The following CACNA1E variants were observed in gnomAD, a reference collection of about 807,000 sequenced individuals.
CACNA1E encodes the protein calcium voltage-gated channel subunit alpha1 E, also known as voltage-dependent R-type calcium channel subunit alpha-1E.
A neutral mutation model predicts 259.2 loss-of-function variants in CACNA1E; 40 were observed. The ratio of observed to expected loss-of-function variants is 0.15; its 90% CI spans 0.12 to 0.20. The LOEUF is 0.20. Ranked by LOEUF, CACNA1E falls within the 10% of genes least tolerant of loss-of-function variation. CACNA1E has a pLI of 1.00. For synonymous variants in CACNA1E, 1,104 were observed against 1,138.5 expected (o/e 0.97, Z 0.61); for missense variants, 1,874 against 3,040.1 (o/e 0.62, Z 9.02).
intron 45 of CACNA1E, among the ~76,000 whole-genome samples, chr1:181,794,200 C>T (rs564452954): frequency 6.6e-6 from 1 of 152,202 alleles, no homozygotes; most frequent in Non-Finnish European, 1.5e-5. Flanking sequence ...CATCTCATTT[C>T]TTTGTCTGTT....
At chr1:181,736,163 GA>G in intron 21 of CACNA1E, 111 bp from the exon 22 acceptor site, 1 of 1,284,346 alleles carries the variant, frequency 7.8e-7, no homozygotes, top group Non-Finnish European at 1.1e-6. Flanking sequence ...CCTTGTTAGG[GA>G]CATCCCTGGA....
chr1:181,786,527 T>C (rs1237969263), intron 43 of CACNA1E, among the ~76,000 whole-genome samples: 2 of 152,242 alleles, frequency 1.3e-5, no homozygotes, highest in Non-Finnish European at 2.9e-5. Flanking sequence ...TTACTTTTTC[T>C]ATAATAGGAG....
At chr1:181,693,111 A>G (rs1651342258) in intron 7 of CACNA1E, among the ~76,000 whole-genome samples, 1 of 141,352 alleles carries the variant, frequency 7.1e-6, no homozygotes, top group Admixed American at 7.5e-5. Flanking sequence ...CACACCAGTC[A>G]GAATGGCTAT....
chr1:181,741,619 G>GA (rs1463777523), intron 25 of CACNA1E, among the ~76,000 whole-genome samples: 2 of 152,210 alleles, frequency 1.3e-5, no homozygotes, highest in Non-Finnish European at 2.9e-5. Flanking sequence ...GCCAGTGTGG[G>GA]AGGAGGTGTG....
intron 1 of CACNA1E, among the ~76,000 whole-genome samples, chr1:181,326,367 G>A (rs2609485): frequency 0.5 from 76,488 of 152,020 alleles, 20,567 homozygotes; most frequent in African/African-American, 0.69. Flanking sequence ...GTAACATCTT[G>A]GTGCTCTTAG....
intron 7 of CACNA1E, among the ~76,000 whole-genome samples, chr1:181,666,862 C>A (rs1452746391): frequency 2.6e-5 from 4 of 151,920 alleles, no homozygotes; most frequent in Admixed American, 2.6e-4. Context: ...CTTGGCAGGA[C>A]AAAAATTGAG....
At chr1:181,625,323 AC>A (rs1656096708) in intron 6 of CACNA1E, among the ~76,000 whole-genome samples, 1 of 152,160 alleles carries the variant, frequency 6.6e-6, no homozygotes, top group Admixed American at 6.5e-5. Context: ...CGTCTTCTCT[AC>A]TTACGATTTT....
chr1:181,693,073 G>A (rs72733184), intron 7 of CACNA1E, among the ~76,000 whole-genome samples: 17,849 of 128,606 alleles, frequency 0.14, 1,105 homozygotes, highest in Middle Eastern at 0.24. Flanking sequence ...GGAGAAATAC[G>A]AATCAAAACC....
chr1:181,401,314 C>G (rs1657086703), intron 1 of CACNA1E, among the ~76,000 whole-genome samples: 1 of 152,138 alleles, frequency 6.6e-6, no homozygotes, highest in Admixed American at 6.5e-5. Context: ...GCTTAAACAC[C>G]CTGTCCTCCA....
chr1:181,755,108 G>A, intron 27 of CACNA1E, 129 bp from the exon 28 acceptor site: 1 of 654,998 alleles, frequency 1.5e-6, no homozygotes, highest in Non-Finnish European at 2.5e-6. Context: ...TCACCTCTTA[G>A]CAGGAAATTC....
At chr1:181,324,749 G>A (rs979096020) in intron 1 of CACNA1E, among the ~76,000 whole-genome samples, 1 of 152,214 alleles carries the variant, frequency 6.6e-6, no homozygotes, top group Admixed American at 6.5e-5. Context: ...AGCCCCGGGA[G>A]AGTGGAGGTT....
At chr1:181,612,607 G>T (rs1335146340) in intron 6 of CACNA1E, among the ~76,000 whole-genome samples, 1 of 152,180 alleles carries the variant, frequency 6.6e-6, no homozygotes, top group Non-Finnish European at 1.5e-5. Flanking sequence ...AATAGTCCTT[G>T]ATGCCATTCC....
chr1:181,568,537 G>A (rs1470069545), intron 3 of CACNA1E, among the ~76,000 whole-genome samples: 2 of 152,118 alleles, frequency 1.3e-5, no homozygotes, highest in East Asian at 3.8e-4. Flanking sequence ...CATTAATACA[G>A]CCTATAAAAT....
intron 25 of CACNA1E, 121 bp from the exon 26 acceptor site, chr1:181,750,355 T>G: frequency 1.2e-6 from 1 of 801,124 alleles, no homozygotes; most frequent in Non-Finnish European, 2.1e-6. Context: ...TTCCCTATCA[T>G]TGTAGGGTTC....
chr1:181,420,715 A>G (rs1658665994), intron 2 of CACNA1E, among the ~76,000 whole-genome samples: 1 of 152,242 alleles, frequency 6.6e-6, no homozygotes, highest in Non-Finnish European at 1.5e-5. Flanking sequence ...ACCATGATGA[A>G]GAACAGAAAC....
upstream of CACNA1E, among the ~76,000 whole-genome samples, chr1:181,480,495 A>T (rs534450452): frequency 6.6e-6 from 1 of 152,338 alleles, no homozygotes; most frequent in East Asian, 1.9e-4. Context: ...TCGCATTTGC[A>T]CATGTAGTAT....
chr1:181,510,708 G>A, intron 2 of CACNA1E, 126 bp downstream of exon 2: 1 of 668,310 alleles, frequency 1.5e-6, no homozygotes, highest in Non-Finnish European at 2.7e-6. Context: ...CTTTGCTGGG[G>A]GACAAGCTAA....
intron 1 of CACNA1E, among the ~76,000 whole-genome samples, chr1:181,343,099 G>A (rs997889475): frequency 6.6e-6 from 1 of 151,942 alleles, no homozygotes; most frequent in African/African-American, 2.4e-5. Flanking sequence ...GATGAGGGAG[G>A]CATCAGTTAG....
At chr1:181,766,412 C>T (rs1659028549) in intron 34 of CACNA1E, 134 bp from the exon 35 acceptor site, 5 of 673,202 alleles carry the variant, frequency 7.4e-6, no homozygotes, top group Admixed American at 4.6e-5. Flanking sequence ...ACAGAACAAC[C>T]CCAGGGAATA....
Sources: allele counts gnomAD v4.1 joint callset (sites outside exome capture counted in the v4.1 genomes callset), GRCh38; gene constraint gnomAD v4.1.1; transcripts MANE v1.5; gene names NCBI Gene and HGNC (gene_info 2026-07-23, HGNC 2026-07-21).